Variants in COL9A2 observed in about 807,000 individuals in gnomAD.
COL9A2 encodes collagen type IX alpha 2 chain.
COL9A2 carries 66 observed loss-of-function variants against 111.6 expected under a neutral mutation model. That is an observed-to-expected ratio of 0.59 (90% CI 0.48 to 0.73). COL9A2 has a LOEUF of 0.73. Among genes scored for constraint, COL9A2 ranks in the 30% least tolerant of loss-of-function variants. The pLI is 0.00. For synonymous variants in COL9A2, 353 were observed against 364.1 expected (o/e 0.97, Z 0.35); for missense variants, 881 against 954.1 (o/e 0.92, Z 1.01).
intron 16 of COL9A2, 57 bp downstream of exon 16, chr1:40,309,881 G>A: frequency 1.3e-6 from 2 of 1,584,588 alleles, no homozygotes; most frequent in South Asian, 2.2e-5. Flanking sequence ...GGGGTGCCTT[G>A]TCCTGCCCAG....
chr1:40,306,245 G>T, intron 19 of COL9A2, 58 bp from the exon 20 acceptor site: 1 of 1,589,318 alleles, frequency 6.3e-7, no homozygotes, highest in Non-Finnish European at 8.6e-7. Flanking sequence ...CCATGCACCT[G>T]CTGCTTTGCT....
Position 40,310,790 on chromosome 1 carries a change from C to G in COL9A2, c.631-23G>C. ...ACCCTAAAGGGCAGGGATGAGCTGT[C>G]AGACAGGCAGGCAGATGGAAAGACA... is the stretch of plus-strand genomic sequence containing the variant. On this transcript the variant is annotated intron_variant, in intron 12 of 31. Transcript: ENST00000372748. This position sits in a 1 kb window ranked among gnomAD's most constrained non-coding sequence, Gnocchi z 4.9. 16 of 1,552,310 alleles carry G rather than the reference C, an allele frequency of 1.0e-5. No individual in the cohort carries two copies. The highest frequency in any genetic ancestry group is 1.4e-5 in the Non-Finnish European group (16 of 1,145,932).
chr1:40,310,637 C>A lies in COL9A2; in HGVS notation c.684+77G>T, dbSNP rs1425431317. 15 of 1,274,384 alleles carry A rather than the reference C, an allele frequency of 1.2e-5. 1 individual carries two copies. In the East Asian group the frequency reaches 1.3e-4, roughly 11 times the overall value. The allele number at this position is 1,274,384 out of a possible 1,614,324, so 78.9% of individuals were successfully genotyped here. A position where few individuals can be genotyped will look rare whatever the true frequency, so the allele number is the denominator to read the frequency against. On this transcript the variant is annotated intron_variant, in intron 13 of 31. Coordinates refer to ENST00000372748, the MANE Select transcript of COL9A2 (RefSeq NM_001852.4). This position sits in a 1 kb window ranked among gnomAD's most constrained non-coding sequence, Gnocchi z 4.9. Reference sequence around the variant, plus strand: ...AGGTGTCTCTTTTACAAGCTAGAGGCCTGAGCAGGGGAATGACTCCATGAA... The same window carrying A: ...AGGTGTCTCTTTTACAAGCTAGAGGACTGAGCAGGGGAATGACTCCATGAA...
Position 40,303,150 on chromosome 1 carries a change from C to G in COL9A2, c.1584G>C (p.Val528=). Residue 528 remains valine, a synonymous_variant, in exon 29 of 32, where the codon GTG becomes GTC. Coordinates refer to ENST00000372748, the MANE Select transcript of COL9A2 (RefSeq NM_001852.4). The surrounding 1 kb of genome is among the most constrained non-coding windows in gnomAD (Gnocchi z 4.6). ...RDATDQHIVD[V]ALKMLQEQLA... ...CCTCACCTTGCAGCATCTTCAGCGCCACATCCACGATGTGCTGGTCAGTGG... is the reference window on the plus strand; with the variant it reads ...CCTCACCTTGCAGCATCTTCAGCGCGACATCCACGATGTGCTGGTCAGTGG... 6.2e-7 allele frequency: 1 copy of G among 1,613,018 alleles called. No individual in the cohort carries two copies. Among genetic ancestry groups the G allele is most frequent in the Non-Finnish European group, 8.5e-7 (1 of 1,179,634 alleles).
At chr1:40,315,091 T>G in intron 2 of COL9A2, 2 of 412,580 alleles carry the variant, frequency 4.8e-6, no homozygotes, top group Non-Finnish European at 6.7e-6. Flanking sequence ...GCGGCCCTCC[T>G]GCGGGAGCTT....
intron 25 of COL9A2, 34 bp downstream of exon 25, chr1:40,304,029 TG>T: frequency 6.4e-7 from 1 of 1,574,276 alleles, no homozygotes; most frequent in Admixed American, 1.9e-5. Flanking sequence ...AGAGCAGGGT[TG>T]GGGGTCGCTG....
In COL9A2 at chr1:40,301,349, C is replaced by T. The variant is rs768840439; in HGVS notation, c.1903G>A (p.Gly635Ser). The T allele has an allele frequency of 1.2e-5, 19 of 1,608,844 alleles. No individual in the cohort carries two copies. The highest frequency in any genetic ancestry group is 4.5e-5 in the East Asian group (2 of 44,758). Residue 635 changes from glycine (G) to serine (S), a missense_variant, in exon 32 of 32, where the codon GGC becomes AGC. By Grantham distance (56) the Gly-to-Ser change is moderately conservative. Transcript: ENST00000372748. ...GGGGACCCTCGATCTCCATCCTTGC[C>T]GTTGATTGCCTGGCCAGGCCGGCCA... Reference protein sequence around the residue: ...LPGRPGQAINGKDGDRGSPGA... With the variant: ...LPGRPGQAINSKDGDRGSPGA...
At position 40,311,587 on chromosome 1, in the gene COL9A2, T is replaced by A; in HGVS notation, c.472-40A>T. ...GAAGATGGAGCTTGGCCTGACCCTT[T>A]CCCGCCGCAGGCTTGCTCAAAGACC... On this transcript the variant is annotated intron_variant, in intron 9 of 31. Transcript: ENST00000372748. This position sits in a 1 kb window ranked among gnomAD's most constrained non-coding sequence, Gnocchi z 5.1. 1.2e-6 allele frequency: 2 copies of A among 1,613,612 alleles called. No individual in the cohort carries two copies. Among genetic ancestry groups the A allele is most frequent in the South Asian group, 1.1e-5 (1 of 91,048 alleles).
In COL9A2 at chr1:40,303,693, G is replaced by T; in HGVS notation, c.1402-17C>A. 1 of 1,550,910 alleles carries T rather than the reference G, an allele frequency of 6.4e-7. No individual in the cohort carries two copies. Among genetic ancestry groups the T allele is most frequent in the Non-Finnish European group, 8.7e-7 (1 of 1,147,798 alleles). On this transcript the variant is annotated splice_polypyrimidine_tract_variant and intron_variant, in intron 27 of 31. Transcript: ENST00000372748. This position sits in a 1 kb window ranked among gnomAD's most constrained non-coding sequence, Gnocchi z 4.6. ...TACTCCTTGCTGCGGGGGGATGGGG[G>T]TGGGAGCAGAGCCGGGTGAGAAGGC... is the stretch of plus-strand genomic sequence containing the variant.
Position 40,311,962 on chromosome 1 carries a change from C to G in COL9A2, c.417+97G>C. The G allele has an allele frequency of 7.5e-7, 1 of 1,339,996 alleles. No individual in the cohort carries two copies. The highest frequency in any genetic ancestry group is 1.0e-6 in the Non-Finnish European group (1 of 952,894). The allele number at this position is 1,339,996 out of a possible 1,614,324, so 83.0% of individuals were successfully genotyped here. ...CAGACCTGGAGGAGTTTCCCAGTGG[C>G]CAGGAGCAGGCCCAGGAACTTCCAG... On this transcript the variant is annotated intron_variant, in intron 8 of 31. Coordinates refer to ENST00000372748, the MANE Select transcript of COL9A2 (RefSeq NM_001852.4). This position sits in a 1 kb window ranked among gnomAD's most constrained non-coding sequence, Gnocchi z 5.1.
At position 40,307,082 on chromosome 1, in the gene COL9A2, T is replaced by C. The variant is rs868003294; in HGVS notation, c.1008+364A>G. Among the ~76,000 whole-genome samples, 1 of 152,132 alleles carries C rather than the reference T, an allele frequency of 6.6e-6. No homozygotes were observed. The highest frequency in any genetic ancestry group is 2.4e-5 in the African/African-American group (1 of 41,416). On this transcript the variant is annotated intron_variant, in intron 19 of 31. Transcript: ENST00000372748. This position sits in a 1 kb window ranked among gnomAD's most constrained non-coding sequence, Gnocchi z 4.8. ...CTGGTTTTGAACTCCTGACCTCAAG[T>C]GATCCACTCAGCTGAGCCTCCTGAA...
At chr1:40,301,446 T>A in intron 31 of COL9A2, 65 bp from the exon 32 acceptor site, 1 of 1,445,066 alleles carries the variant, frequency 6.9e-7, no homozygotes. Context: ...ATTTTGAAGG[T>A]GGGGAAACTT....
chr1:40,308,102 A>G (rs1374226300), intron 17 of COL9A2, 90 bp downstream of exon 17: 1 of 1,318,912 alleles, frequency 7.6e-7, no homozygotes, highest in Middle Eastern at 1.8e-4. Flanking sequence ...CAGAGTTCAG[A>G]CTAGCATCCC....
chr1:40,309,555 TCGCC>T (rs1298623722), intron 16 of COL9A2, among the ~76,000 whole-genome samples: 1 of 151,804 alleles, frequency 6.6e-6, no homozygotes, highest in Non-Finnish European at 1.5e-5. Flanking sequence ...TCCCAGGGCT[TCGCC>T]TAAAGTCTGA....
chr1:40,312,437 C>G lies in COL9A2; in HGVS notation c.363+19G>C. 1 of 1,612,824 alleles carries G rather than the reference C, an allele frequency of 6.2e-7. No homozygotes were observed. Among genetic ancestry groups the G allele is most frequent in the Non-Finnish European group, 8.5e-7 (1 of 1,179,410 alleles). ...TCCCTGGGAGTTCTGGGGATCCTGCCCCATCCCTGAGGACTTACAGGAGGT... is the reference window on the plus strand; with the variant it reads ...TCCCTGGGAGTTCTGGGGATCCTGCGCCATCCCTGAGGACTTACAGGAGGT... On this transcript the variant is annotated intron_variant, in intron 7 of 31. Transcript: ENST00000372748. This position sits in a 1 kb window ranked among gnomAD's most constrained non-coding sequence, Gnocchi z 6.0.
chr1:40,302,843 T>C lies in COL9A2; in HGVS notation c.1604-34A>G, dbSNP rs1643936667. 1 of 1,533,000 alleles carries C rather than the reference T, an allele frequency of 6.5e-7. No individual in the cohort carries two copies. 95.0% of individuals were successfully genotyped at this position (1,533,000 alleles called of 1,614,324 possible). A position where few individuals can be genotyped will look rare whatever the true frequency, so the allele number is the denominator to read the frequency against. On this transcript the variant is annotated intron_variant, in intron 29 of 31. Transcript: ENST00000372748. The surrounding 1 kb of genome is among the most constrained non-coding windows in gnomAD (Gnocchi z 4.5). Reference sequence around the variant, plus strand: ...AGGGAGGGAGGGAGGGAGAGGGAAGTCTATGAGATGGGTGTCAGCAGTAAC... The same window carrying C: ...AGGGAGGGAGGGAGGGAGAGGGAAGCCTATGAGATGGGTGTCAGCAGTAAC...
At position 40,301,314 on chromosome 1, in the gene COL9A2, T is replaced by C; in HGVS notation, c.1938A>G (p.Pro646=). 6.2e-7 allele frequency: 1 copy of C among 1,612,336 alleles called. No homozygotes were observed. Among genetic ancestry groups the C allele is most frequent in the Non-Finnish European group, 8.5e-7 (1 of 1,178,818 alleles). ...GCAGGCCAGGTCGACCTGCCTCTCC[T>C]GGAGCCCCTGGGGACCCTCGATCTC... ...KDGDRGSPGA[P]GEAGRPGLPG... is the part of the protein sequence containing the mutation. Residue 646 remains proline, a synonymous_variant, in exon 32 of 32, where the codon CCA becomes CCG. Coordinates refer to ENST00000372748, the MANE Select transcript of COL9A2 (RefSeq NM_001852.4).
In COL9A2 at chr1:40,302,500, C is replaced by T; in HGVS notation, c.1792+121G>A. On this transcript the variant is annotated intron_variant, in intron 30 of 31. Transcript: ENST00000372748. The surrounding 1 kb of genome is among the most constrained non-coding windows in gnomAD (Gnocchi z 4.5). ...AAAGAGCCCAGGAGTGTCTCCTGGA[C>T]CATGTGGCTGAGGAACCGGGGAAGG... 9.0e-7 allele frequency: 1 copy of T among 1,108,774 alleles called. No homozygotes were observed. 68.7% of individuals were successfully genotyped at this position (1,108,774 alleles called of 1,614,324 possible).
In COL9A2 at chr1:40,303,762, T is replaced by TGGGGCCGGGAGAAGGGAGG. The variant is rs376619823; in HGVS notation, c.1401+44_1401+45insCCTCCCTTCTCCCGGCCCC. On this transcript the variant is annotated intron_variant, in intron 27 of 31. Transcript: ENST00000372748. The surrounding 1 kb of genome is among the most constrained non-coding windows in gnomAD (Gnocchi z 4.6). The stretch of plus-strand genomic sequence containing the variant: ...GGGGGGTGGGGGTCGAGGAAGGGAG[T>TGGGGCCGGGAGAAGGGAGG]GGCCGCCCAGGAAAGTCGGAGAACG... 59,448 of 1,550,782 alleles carry TGGGGCCGGGAGAAGGGAGG rather than the reference T, an allele frequency of 0.038. 3,092 individuals are homozygous for TGGGGCCGGGAGAAGGGAGG. The highest frequency in any genetic ancestry group is 0.22 in the African/African-American group (15,563 of 71,972).
Sources: allele counts gnomAD v4.1 joint callset (sites outside exome capture counted in the v4.1 genomes callset), GRCh38; gene constraint gnomAD v4.1.1; non-coding constraint Gnocchi (gnomAD v3.1); transcripts MANE v1.5; gene names NCBI Gene and HGNC (gene_info 2026-07-23, HGNC 2026-07-21).